Variants in OSBP2 observed in about 807,000 individuals in gnomAD.
OSBP2 encodes the protein oxysterol-binding protein 2.
OSBP2 carries 66 observed loss-of-function variants against 96.0 expected under a neutral mutation model. That is an observed-to-expected ratio of 0.69 (90% CI 0.56 to 0.84). OSBP2 has a LOEUF of 0.84. Among genes scored for constraint, OSBP2 ranks in the 40% least tolerant of loss-of-function variants. The probability of loss-of-function intolerance (pLI) is 0.00; values close to 1 mark genes in which losing one functional copy is unlikely to be tolerated. For synonymous variants in OSBP2, 525 were observed against 520.9 expected (o/e 1.01, Z -0.11); for missense variants, 1,038 against 1,222.7 (o/e 0.85, Z 2.25).
chr22:30,715,430 G>A (rs949666872), intron 1 of OSBP2, among the ~76,000 whole-genome samples: 9 of 150,432 alleles, frequency 6.0e-5, no homozygotes, highest in African/African-American at 2.2e-4. Flanking sequence ...AGGCTGGAGT[G>A]TAGTGGCATG....
At chr22:30,790,599 C>G (rs1263496377) in intron 2 of OSBP2, among the ~76,000 whole-genome samples, 1 of 146,842 alleles carries the variant, frequency 6.8e-6, no homozygotes, top group African/African-American at 2.5e-5. Flanking sequence ...AGTTTTTCAG[C>G]AAGACTGTAA....
intron 2 of OSBP2, among the ~76,000 whole-genome samples, chr22:30,825,236 C>T (rs1053096029): frequency 2.6e-5 from 4 of 152,148 alleles, no homozygotes; most frequent in Non-Finnish European, 5.9e-5. Flanking sequence ...GCCTGTAATC[C>T]TAGCATTTTG....
intron 2 of OSBP2, among the ~76,000 whole-genome samples, chr22:30,858,035 C>G (rs2039114333): frequency 6.6e-6 from 1 of 152,026 alleles, no homozygotes; most frequent in Admixed American, 6.5e-5. Context: ...AAGAGAGGAT[C>G]TTTGCAGGCA....
Position 30,802,459 on chromosome 22 carries a change from G to A in OSBP2, c.853+61090G>A, listed in dbSNP as rs117232399. 1.9e-3 allele frequency among the ~76,000 whole-genome samples: 297 copies of A among 152,344 alleles called. 3 individuals are homozygous for A. The East Asian group carries it at 0.032, about 17-fold the overall frequency. ...GACTGGAGAAATGAGGGCTGGAGCC[G>A]TGGACCATCCGAGGGCCCCTCCCCT... On this transcript the variant is annotated intron_variant, in intron 2 of 13. Transcript: ENST00000332585.
intron 1 of OSBP2, among the ~76,000 whole-genome samples, chr22:30,706,764 T>G (rs1318388231): frequency 1.3e-5 from 2 of 152,112 alleles, no homozygotes; most frequent in Admixed American, 1.3e-4. Context: ...ATGTGTTTCA[T>G]TCCTCACTCC....
rs2090244380 is a variant in OSBP2 at position 30,764,370 on chromosome 22, C to T, written c.853+23001C>T. ...CTGGACAGCCTGCCACCCTATTGCT[C>T]CAAAATGAAAATCCTCTAACAGGTA... is the stretch of plus-strand genomic sequence containing the variant. On this transcript the variant is annotated intron_variant, in intron 2 of 13. Transcript: ENST00000332585. The T allele has an allele frequency of 1.8e-5, 18 of 985,378 alleles. No individual in the cohort carries two copies. The South Asian group carries it at 8.5e-4, about 46-fold the overall frequency. The allele number at this position is 985,378 out of a possible 1,614,324, so 61.0% of individuals were successfully genotyped here.
At chr22:30,762,215 C>A (rs1602228611) in intron 2 of OSBP2, among the ~76,000 whole-genome samples, 1 of 151,204 alleles carries the variant, frequency 6.6e-6, no homozygotes, top group Non-Finnish European at 1.5e-5. Flanking sequence ...GAGTGAGACT[C>A]CATCTCAAAA....
intron 3 of OSBP2, among the ~76,000 whole-genome samples, chr22:30,880,960 T>A (rs1464511367): frequency 2.0e-5 from 3 of 152,142 alleles, no homozygotes; most frequent in Non-Finnish European, 1.5e-5. Flanking sequence ...GACTTCTCAG[T>A]AGGGAGAGTC....
chr22:30,729,354 T>C (rs752888341), intron 1 of OSBP2, among the ~76,000 whole-genome samples: 1 of 152,124 alleles, frequency 6.6e-6, no homozygotes, highest in Non-Finnish European at 1.5e-5. Context: ...TCTAAAATTA[T>C]TGGCTGGGCA....
Position 30,882,689 on chromosome 22 carries a change from G to C in OSBP2, c.1108-4737G>C, listed in dbSNP as rs373446260. Among the ~76,000 whole-genome samples, 24 of 152,300 alleles carry C rather than the reference G, an allele frequency of 1.6e-4. 1 individual carries two copies. In the East Asian group the frequency reaches 4.4e-3, roughly 28 times the overall value. On this transcript the variant is annotated intron_variant, in intron 3 of 13. Transcript: ENST00000332585. Reference sequence around the variant, plus strand: ...GGGCCACACTCAGGGCCCTGGGAAGGAACGGAGCCCCAGGAGATGAGGCTG... The same window carrying C: ...GGGCCACACTCAGGGCCCTGGGAAGCAACGGAGCCCCAGGAGATGAGGCTG...
intron 2 of OSBP2, among the ~76,000 whole-genome samples, chr22:30,827,194 G>A (rs1602321396): frequency 6.6e-6 from 1 of 152,182 alleles, no homozygotes; most frequent in East Asian, 1.9e-4. Context: ...CATCAGAAAG[G>A]ACAGATGGGC....
chr22:30,858,249 C>T (rs868542404), intron 2 of OSBP2, among the ~76,000 whole-genome samples: 1 of 150,720 alleles, frequency 6.6e-6, no homozygotes, highest in Non-Finnish European at 1.5e-5. Flanking sequence ...CGGGTTCACG[C>T]CATTCTCCTG....
At chr22:30,894,031 A>G (rs1399212425) in intron 12 of OSBP2, 30 bp downstream of exon 12, 6 of 1,565,278 alleles carry the variant, frequency 3.8e-6, no homozygotes, top group Non-Finnish European at 4.3e-6. Context: ...GCCCCGCCAC[A>G]GGCAAAGGAG....
chr22:30,889,107 AGAG>A, intron 5 of OSBP2, 67 bp from the exon 6 acceptor site: 1 of 1,359,632 alleles, frequency 7.4e-7, no homozygotes, highest in Non-Finnish European at 1.0e-6. Flanking sequence ...TTGTCTGGAG[AGAG>A]GATGGGCCAG....
chr22:30,762,688 C>G (rs1156419300), intron 2 of OSBP2, among the ~76,000 whole-genome samples: 3 of 152,230 alleles, frequency 2.0e-5, no homozygotes, highest in Non-Finnish European at 4.4e-5. Context: ...AAGGTCTGTT[C>G]CCTAGTATCC....
chr22:30,734,890 A>G (rs900535063), intron 1 of OSBP2, among the ~76,000 whole-genome samples: 5 of 152,216 alleles, frequency 3.3e-5, no homozygotes, highest in African/African-American at 1.2e-4. Context: ...ATAAAACTGA[A>G]AAGTTAAAGT....
intron 3 of OSBP2, among the ~76,000 whole-genome samples, chr22:30,877,218 G>C (rs959711641): frequency 6.6e-6 from 1 of 152,162 alleles, no homozygotes; most frequent in African/African-American, 2.4e-5. Context: ...GAATCGCTTA[G>C]TGTCTGGCAA....
chr22:30,871,314 G>A lies in OSBP2; in HGVS notation c.1107+632G>A, dbSNP rs1208686621. On this transcript the variant is annotated intron_variant, in intron 3 of 13. Coordinates refer to ENST00000332585, the MANE Select transcript of OSBP2 (RefSeq NM_030758.4). This position sits in a 1 kb window ranked among gnomAD's most constrained non-coding sequence, Gnocchi z 4.7. ...CACGGCTAGGACTGGGAGCCAGGAG[G>A]GTGTCTCGATGGTGGTAGGAGGATA... Among the ~76,000 whole-genome samples, 1 of 152,096 alleles carries A rather than the reference G, an allele frequency of 6.6e-6. No homozygotes were observed. Among genetic ancestry groups the A allele is most frequent in the Non-Finnish European group, 1.5e-5 (1 of 68,016 alleles).
intron 2 of OSBP2, among the ~76,000 whole-genome samples, chr22:30,759,745 A>AC (rs136341): frequency 0.059 from 8,975 of 152,366 alleles, 276 homozygotes; most frequent in Middle Eastern, 0.092. Context: ...CTTCAGGCCT[A>AC]CATGATTTCA....
Sources: allele counts gnomAD v4.1 joint callset (sites outside exome capture counted in the v4.1 genomes callset), GRCh38; gene constraint gnomAD v4.1.1; non-coding constraint Gnocchi (gnomAD v3.1); transcripts MANE v1.5; gene names NCBI Gene and HGNC (gene_info 2026-07-23, HGNC 2026-07-21).